AK5: variants seen among roughly 807,000 people sequenced by gnomAD.
AK5 encodes adenylate kinase isoenzyme 5.
A neutral mutation model predicts 69.5 loss-of-function variants in AK5; 27 were observed. That is an observed-to-expected ratio of 0.39 (90% CI 0.29 to 0.54). The LOEUF (loss-of-function observed/expected upper bound fraction) is 0.54, where lower values mean the gene tolerates loss of function less well. AK5 is among the 20% of genes least tolerant of loss of function. The pLI, the probability that AK5 is intolerant of heterozygous loss-of-function variation, is 0.71. For missense variants in AK5, 531 were observed against 700.4 expected, an observed-to-expected ratio of 0.76 and a Z score of 2.73; for synonymous variants, 260 against 244.4, an observed-to-expected ratio of 1.06 and a Z score of -0.60.
chr1:77,413,173 A>G (rs1036618169), intron 7 of AK5, among the ~76,000 whole-genome samples: 3 of 151,898 alleles, frequency 2.0e-5, no homozygotes, highest in African/African-American at 4.8e-5. Flanking sequence ...CCCCTCCCCA[A>G]CGTCACTGGC....
chr1:77,444,416 G>A lies in AK5; in HGVS notation c.1059+26701G>A, dbSNP rs1329332363. ...ATAGTATAAATATATACTATATATAGTATATACATAGTATAAATATATACT... is the reference window on the plus strand; with the variant it reads ...ATAGTATAAATATATACTATATATAATATATACATAGTATAAATATATACT... On this transcript the variant is annotated intron_variant, in intron 8 of 13. Coordinates refer to ENST00000354567, the MANE Select transcript of AK5 (RefSeq NM_174858.3). Among the ~76,000 whole-genome samples, 3 of 54,346 alleles carry A rather than the reference G, an allele frequency of 5.5e-5. 1 individual carries two copies. Among genetic ancestry groups the A allele is most frequent in the African/African-American group, 8.1e-5 (1 of 12,384 alleles). The allele number at this position is 54,346 out of a possible 152,430, so 35.7% of individuals were successfully genotyped here.
At chr1:77,367,814 A>ATATGTTATATATAATATATGT (rs1647013850) in intron 6 of AK5, among the ~76,000 whole-genome samples, 1 of 10,586 alleles carries the variant, frequency 9.4e-5, no homozygotes. Context: ...AATATATGTT[A>ATATGTTATATATAATATATGT]TATATATTAT....
chr1:77,324,941 A>G (rs573758927), intron 5 of AK5, among the ~76,000 whole-genome samples: 1 of 149,652 alleles, frequency 6.7e-6, no homozygotes, highest in South Asian at 2.1e-4. Flanking sequence ...TCTCTATTAC[A>G]TCAGAGCAAT....
At chr1:77,437,373 T>C (rs1652017138) in intron 8 of AK5, among the ~76,000 whole-genome samples, 1 of 152,168 alleles carries the variant, frequency 6.6e-6, no homozygotes, top group South Asian at 2.1e-4. Flanking sequence ...AGCTTTCATT[T>C]TGAAATGTTA....
intron 8 of AK5, among the ~76,000 whole-genome samples, chr1:77,439,012 G>A (rs766321469): frequency 3.9e-5 from 6 of 152,092 alleles, no homozygotes; most frequent in Admixed American, 6.5e-5. Flanking sequence ...CCAAAAAGGC[G>A]ACTCGTAGAA....
chr1:77,387,765 A>T (rs569145826), intron 6 of AK5, among the ~76,000 whole-genome samples: 3 of 152,220 alleles, frequency 2.0e-5, no homozygotes, highest in Non-Finnish European at 4.4e-5. Flanking sequence ...AGCCTCTTGC[A>T]TCTTGCTTAA....
chr1:77,483,378 T>G lies in AK5; in HGVS notation c.1102+19T>G, dbSNP rs760862606. The G allele has an allele frequency of 1.1e-5, 17 of 1,603,384 alleles. No individual in the cohort carries two copies. In the South Asian group the frequency reaches 1.5e-4, roughly 15 times the overall value. On this transcript the variant is annotated intron_variant, in intron 9 of 13. Transcript: ENST00000354567. ...ATGGGAGGTGAGTTTTCCTTACTGA[T>G]CAGATCAAAGTTGTCATTTTAGTAA... is the stretch of plus-strand genomic sequence containing the variant.
At chr1:77,397,857 A>C (rs1648935649) in intron 6 of AK5, among the ~76,000 whole-genome samples, 1 of 152,216 alleles carries the variant, frequency 6.6e-6, no homozygotes, top group African/African-American at 2.4e-5. Context: ...AGCTATAATC[A>C]TCCCACTGCA....
At chr1:77,493,684 G>A (rs893015908) in intron 10 of AK5, among the ~76,000 whole-genome samples, 1 of 152,110 alleles carries the variant, frequency 6.6e-6, no homozygotes, top group Admixed American at 6.5e-5. Context: ...CTGAAGGGAT[G>A]CAGACACAAG....
At chr1:77,532,086 G>A (rs900239098) in intron 12 of AK5, 5 of 153,100 alleles carry the variant, frequency 3.3e-5, no homozygotes, top group South Asian at 2.1e-4. Context: ...GCACAGTCCC[G>A]GTTCCCGCCT....
At chr1:77,401,835 T>G (rs1649234523) in intron 6 of AK5, among the ~76,000 whole-genome samples, 1 of 152,232 alleles carries the variant, frequency 6.6e-6, no homozygotes, top group Non-Finnish European at 1.5e-5. Context: ...TTTTGAAAGT[T>G]GTTACTGCAT....
intron 6 of AK5, among the ~76,000 whole-genome samples, chr1:77,343,622 G>T (rs1402670347): frequency 6.6e-6 from 1 of 152,140 alleles, no homozygotes; most frequent in African/African-American, 2.4e-5. Flanking sequence ...CTTTCTGCAG[G>T]TTACTTATCT....
intron 5 of AK5, among the ~76,000 whole-genome samples, chr1:77,300,842 A>G (rs1261123507): frequency 1.3e-5 from 2 of 152,230 alleles, no homozygotes; most frequent in African/African-American, 4.8e-5. Context: ...GCAGTGACTC[A>G]GAACCCAGAA....
intron 13 of AK5, among the ~76,000 whole-genome samples, chr1:77,537,533 A>G (rs1013588270): frequency 3.9e-5 from 6 of 152,196 alleles, no homozygotes; most frequent in African/African-American, 1.4e-4. Context: ...AACAGTATCC[A>G]GGAACAAATC....
chr1:77,512,390 C>T (rs1393252933), intron 10 of AK5, among the ~76,000 whole-genome samples: 2 of 152,076 alleles, frequency 1.3e-5, no homozygotes, highest in Non-Finnish European at 2.9e-5. Flanking sequence ...CCTTGATGTG[C>T]CAGACAACGT....
intron 6 of AK5, among the ~76,000 whole-genome samples, chr1:77,358,293 A>G (rs535370222): frequency 5.3e-5 from 8 of 152,216 alleles, no homozygotes; most frequent in Non-Finnish European, 8.8e-5. Flanking sequence ...CAAGGCATCA[A>G]TTGGGCAATT....
chr1:77,521,986 G>T, intron 12 of AK5, 43 bp downstream of exon 12: 2 of 1,427,292 alleles, frequency 1.4e-6, no homozygotes, highest in South Asian at 2.6e-5. Flanking sequence ...AAAAATAGGG[G>T]ACATCCTTGA....
intron 7 of AK5, among the ~76,000 whole-genome samples, chr1:77,416,318 T>A (rs1650423458): frequency 6.6e-6 from 1 of 152,176 alleles, no homozygotes; most frequent in Non-Finnish European, 1.5e-5. Flanking sequence ...CTAGCAGCCA[T>A]CTTATGAACA....
intron 5 of AK5, among the ~76,000 whole-genome samples, chr1:77,303,906 G>A (rs1054076334): frequency 2.0e-5 from 3 of 151,822 alleles, no homozygotes; most frequent in African/African-American, 7.3e-5. Flanking sequence ...ATATTTAAGG[G>A]GCACATGAGA....
Sources: allele counts gnomAD v4.1 joint callset (sites outside exome capture counted in the v4.1 genomes callset), GRCh38; gene constraint gnomAD v4.1.1; transcripts MANE v1.5; gene names NCBI Gene and HGNC (gene_info 2026-07-23, HGNC 2026-07-21).